FAM184A: variants seen among roughly 807,000 people sequenced by gnomAD.
The protein encoded by FAM184A is protein FAM184A.
In FAM184A, 99 loss-of-function variants were observed where a neutral mutation model predicts 143.8. That is an observed-to-expected ratio of 0.69 (90% CI 0.58 to 0.81). FAM184A has a LOEUF of 0.81. Ranked by LOEUF, FAM184A falls within the 40% of genes least tolerant of loss-of-function variation. The pLI is 0.00. For synonymous variants in FAM184A, 427 were observed against 446.4 expected, an observed-to-expected ratio of 0.96 and a Z score of 0.55; for missense variants, 1,217 against 1,310.5, an observed-to-expected ratio of 0.93 and a Z score of 1.10.
chr6:118,998,693 A>G (rs1244952443), intron 9 of FAM184A, among the ~76,000 whole-genome samples: 1 of 152,230 alleles, frequency 6.6e-6, no homozygotes, highest in Non-Finnish European at 1.5e-5. Context: ...TGGTAGGTGC[A>G]AAGTCCCCAA....
At chr6:119,009,683 T>C (rs1785031928) in intron 6 of FAM184A, 1 of 152,208 alleles carries the variant, frequency 6.6e-6, no homozygotes, top group African/African-American at 2.4e-5. Context: ...TTCCTAAATT[T>C]ATTATTTTGA....
At chr6:119,111,976 C>G (rs1788945414) in intron 1 of FAM184A, among the ~76,000 whole-genome samples, 1 of 152,112 alleles carries the variant, frequency 6.6e-6, no homozygotes, top group African/African-American at 2.4e-5. Context: ...AGCAAAGTAA[C>G]AAGGCCATGT....
At chr6:118,979,110 G>A (rs1476826023) in intron 11 of FAM184A, among the ~76,000 whole-genome samples, 2 of 152,150 alleles carry the variant, frequency 1.3e-5, no homozygotes, top group African/African-American at 4.8e-5. Flanking sequence ...AGTCCACTTA[G>A]TCCAAAAAGG....
chr6:119,071,993 C>T (rs1411168835), intron 1 of FAM184A, among the ~76,000 whole-genome samples: 1 of 150,400 alleles, frequency 6.6e-6, no homozygotes, highest in Admixed American at 6.7e-5. Flanking sequence ...TCCCAAGTAG[C>T]TGGGATTACA....
At chr6:119,101,655 A>G (rs533545626) in intron 1 of FAM184A, among the ~76,000 whole-genome samples, 1 of 152,328 alleles carries the variant, frequency 6.6e-6, no homozygotes, top group South Asian at 2.1e-4. Flanking sequence ...ATATGTACAA[A>G]TCATGTTAAC....
chr6:119,070,100 C>T (rs1179702971), intron 1 of FAM184A, among the ~76,000 whole-genome samples: 1 of 152,106 alleles, frequency 6.6e-6, no homozygotes, highest in Non-Finnish European at 1.5e-5. Context: ...GATTGTTAAT[C>T]ACTAAGTCTT....
intron 1 of FAM184A, among the ~76,000 whole-genome samples, chr6:119,029,757 A>G (rs1230073867): frequency 6.6e-6 from 1 of 152,224 alleles, no homozygotes; most frequent in African/African-American, 2.4e-5. Flanking sequence ...TGACATTCTA[A>G]TGCAGGAGTT....
At chr6:119,045,548 T>C (rs74741264) in intron 1 of FAM184A, among the ~76,000 whole-genome samples, 2,477 of 152,246 alleles carry the variant, frequency 0.016, 28 homozygotes, top group South Asian at 0.027. Context: ...ACAGCAGATT[T>C]TTCTTCTTGG....
intron 9 of FAM184A, among the ~76,000 whole-genome samples, chr6:118,990,091 G>A (rs1784328854): frequency 6.6e-6 from 1 of 152,180 alleles, no homozygotes; most frequent in South Asian, 2.1e-4. Flanking sequence ...CTCCCACAGT[G>A]CTGGGATTAC....
In FAM184A at chr6:119,018,030, C is replaced by T. The variant is rs564876061; in HGVS notation, c.1333-1086G>A. Among the ~76,000 whole-genome samples the T allele has an allele frequency of 1.5e-3, 225 of 152,296 alleles. 2 individuals carry two copies. The Middle Eastern group carries it at 0.017, about 12-fold the overall frequency. ...CCAGTACTACATTTCATGCACGGAC[C>T]GCAGAACTGCAAGCCAAATATCCGT... On this transcript the variant is annotated intron_variant, in intron 4 of 17. Transcript: ENST00000338891.
chr6:119,026,181 C>G (rs1193507585), intron 1 of FAM184A, among the ~76,000 whole-genome samples: 1 of 152,212 alleles, frequency 6.6e-6, no homozygotes, highest in Non-Finnish European at 1.5e-5. Flanking sequence ...AGGAACCCAT[C>G]TGTCTTGCCA....
chr6:119,035,411 C>G (rs1408527383), intron 1 of FAM184A, among the ~76,000 whole-genome samples: 1 of 152,122 alleles, frequency 6.6e-6, no homozygotes, highest in African/African-American at 2.4e-5. Context: ...AATAAGACAC[C>G]AAATTCCAGC....
At position 119,117,897 on chromosome 6, in the gene FAM184A, C is replaced by T. The variant is rs79175649; in HGVS notation, c.-202+31181G>A. ...AGAAACAGGCAGGGGTGGGGGTATC[C>T]CAGAAGCAGGACCAGTCAGGGACTC... On this transcript the variant is annotated intron_variant, in intron 1 of 16. Transcript: ENST00000352896. Among the ~76,000 whole-genome samples, 1,336 of 152,164 alleles carry T rather than the reference C, an allele frequency of 8.8e-3. 19 individuals carry two copies. Among genetic ancestry groups the T allele is most frequent in the African/African-American group, 0.031 (1,306 of 41,522 alleles).
chr6:119,016,287 G>A (rs1233635455), intron 5 of FAM184A, among the ~76,000 whole-genome samples: 16 of 151,888 alleles, frequency 1.1e-4, no homozygotes, highest in Admixed American at 8.5e-4. Context: ...CAACCCGCTC[G>A]GGTCCCCTTC....
At chr6:119,089,116 C>G (rs971290795) in intron 1 of FAM184A, among the ~76,000 whole-genome samples, 21 of 150,902 alleles carry the variant, frequency 1.4e-4, no homozygotes, top group Non-Finnish European at 2.7e-4. Context: ...CTCTTGGGCT[C>G]AAGCAATCTT....
chr6:119,129,412 C>T (rs1487271079), intron 1 of FAM184A, among the ~76,000 whole-genome samples: 1 of 152,192 alleles, frequency 6.6e-6, no homozygotes, highest in African/African-American at 2.4e-5. Context: ...GTGGGGCTTT[C>T]CTGATCTTTT....
chr6:118,971,505 A>G (rs1783696042), intron 14 of FAM184A, among the ~76,000 whole-genome samples: 2 of 152,292 alleles, frequency 1.3e-5, no homozygotes, highest in South Asian at 2.1e-4. Context: ...GAATGTTTTC[A>G]TTTAGCTTGA....
At position 119,078,118 on chromosome 6, in the gene FAM184A, T is replaced by G; in HGVS notation, c.159+23A>C. 3.2e-6 allele frequency: 5 copies of G among 1,567,628 alleles called. No individual in the cohort carries two copies. The highest frequency in any genetic ancestry group is 4.3e-6 in the Non-Finnish European group (5 of 1,160,436). On this transcript the variant is annotated intron_variant, in intron 1 of 17. Coordinates refer to ENST00000338891, the MANE Select transcript of FAM184A (RefSeq NM_024581.6). The surrounding 1 kb of genome is among the most constrained non-coding windows in gnomAD (Gnocchi z 5.5). Reference sequence around the variant, plus strand: ...GCGCGGCCCGCACGGGGTCGCCACCTGCCCCGTCGCTGCCCCCCTTACCTT... The same window carrying G: ...GCGCGGCCCGCACGGGGTCGCCACCGGCCCCGTCGCTGCCCCCCTTACCTT...
chr6:119,051,449 A>G (rs1016845546), intron 1 of FAM184A, among the ~76,000 whole-genome samples: 3 of 152,212 alleles, frequency 2.0e-5, no homozygotes, highest in Non-Finnish European at 4.4e-5. Context: ...AAAAAAATGA[A>G]TAAGACTTAC....
Sources: gnomAD v4.1 joint callset for allele counts (sites outside exome capture counted in the v4.1 genomes callset) on GRCh38, gnomAD v4.1.1 for gene constraint, Gnocchi (gnomAD v3.1) non-coding constraint, MANE v1.5 for transcripts, NCBI Gene and HGNC (gene_info 2026-07-23, HGNC 2026-07-21) for gene names.